Variants in STK32C observed in about 807,000 individuals in gnomAD.
The protein encoded by STK32C is serine/threonine-protein kinase 32C.
Under a neutral mutation model 56.5 loss-of-function variants are expected in STK32C, and 31 were observed. The ratio of observed to expected loss-of-function variants is 0.55; its 90% CI spans 0.41 to 0.74. The LOEUF is 0.74. Among genes scored for constraint, STK32C ranks in the 30% least tolerant of loss-of-function variants. The pLI, the probability that STK32C is intolerant of heterozygous loss-of-function variation, is 0.00. For synonymous variants in STK32C, 309 were observed against 289.4 expected, an observed-to-expected ratio of 1.07 and a Z score of -0.69; for missense variants, 544 against 676.9, an observed-to-expected ratio of 0.80 and a Z score of 2.18.
intron 2 of STK32C, among the ~76,000 whole-genome samples, chr10:132,244,531 G>C (rs2063617694): frequency 6.6e-6 from 1 of 152,196 alleles, no homozygotes; most frequent in South Asian, 2.1e-4. Context: ...GCACCCGCCA[G>C]CCTCGCTCCC....
intron 1 of STK32C, among the ~76,000 whole-genome samples, chr10:132,271,363 A>T (rs2064815731): frequency 6.6e-6 from 1 of 152,222 alleles, no homozygotes; most frequent in Non-Finnish European, 1.5e-5. Flanking sequence ...AGACCCAGGC[A>T]GAGAGCTGCA....
At chr10:132,329,759 T>C (rs2138505754) in intron 1 of STK32C, among the ~76,000 whole-genome samples, 1 of 152,194 alleles carries the variant, frequency 6.6e-6, no homozygotes, top group Non-Finnish European at 1.5e-5. Context: ...GGTGCAGAGG[T>C]GCCACGGGAG....
rs1491278712 is a variant in STK32C at position 132,230,678 on chromosome 10, G to GT, written c.319-2551_319-2550insA. The stretch of plus-strand genomic sequence containing the variant: ...GCTCTTGCTGCTGGGGGGGAAGCTG[G>GT]CGGGGGGGGGGGGGCTGCAGAGCCC... On this transcript the variant is annotated intron_variant, in intron 2 of 11. Transcript: ENST00000298630. 3.4e-3 allele frequency among the ~76,000 whole-genome samples: 414 copies of GT among 121,478 alleles called. 44 individuals are homozygous for GT. Among genetic ancestry groups the GT allele is most frequent in the African/African-American group, 6.2e-3 (193 of 31,324 alleles). 79.7% of individuals were successfully genotyped at this position (121,478 alleles called of 152,430 possible).
At chr10:132,261,757 T>C (rs2064314266) in intron 1 of STK32C, among the ~76,000 whole-genome samples, 1 of 151,972 alleles carries the variant, frequency 6.6e-6, no homozygotes, top group Non-Finnish European at 1.5e-5. Context: ...GGAGAGACAG[T>C]CTGTCTCAAA....
At chr10:132,253,597 G>A (rs531025273) in intron 1 of STK32C, among the ~76,000 whole-genome samples, 8 of 151,364 alleles carry the variant, frequency 5.3e-5, no homozygotes, top group Non-Finnish European at 1.2e-4. Flanking sequence ...GGGAGCCGAG[G>A]GAGCTGGAGG....
chr10:132,245,878 C>A, intron 2 of STK32C, 22 bp downstream of exon 2: 2 of 1,610,932 alleles, frequency 1.2e-6, no homozygotes, highest in Non-Finnish European at 1.7e-6. Flanking sequence ...CAGCCCAGTC[C>A]CCACCCCAGG....
At chr10:132,266,833 T>C (rs2064551165) in intron 1 of STK32C, among the ~76,000 whole-genome samples, 1 of 151,104 alleles carries the variant, frequency 6.6e-6, no homozygotes, top group Admixed American at 6.6e-5. Flanking sequence ...AAGGAGAGCA[T>C]CACACAAGCA....
chr10:132,225,134 C>T (rs1197080929), intron 7 of STK32C, 99 bp downstream of exon 7: 28 of 883,438 alleles, frequency 3.2e-5, no homozygotes, highest in South Asian at 2.7e-4. Flanking sequence ...GACATCCCTG[C>T]GCACCTGGAC....
intron 1 of STK32C, among the ~76,000 whole-genome samples, chr10:132,317,321 T>C (rs1301595858): frequency 2.0e-5 from 3 of 152,232 alleles, no homozygotes; most frequent in Non-Finnish European, 2.9e-5. Flanking sequence ...CTATGACCTC[T>C]AGTTAGGCCA....
In STK32C at chr10:132,272,661, G is replaced by A. The variant is rs1349421648; in HGVS notation, c.263-26706C>T. 4.6e-5 allele frequency among the ~76,000 whole-genome samples: 7 copies of A among 152,092 alleles called. No individual in the cohort carries two copies. In the East Asian group the frequency reaches 1.2e-3, roughly 25 times the overall value. Reference sequence around the variant, plus strand: ...CTGCTTCTGGCCACCGTCCACTCCCGCCTGGATTCCTGCAACAGCCTGGTC... The same window carrying A: ...CTGCTTCTGGCCACCGTCCACTCCCACCTGGATTCCTGCAACAGCCTGGTC... On this transcript the variant is annotated intron_variant, in intron 1 of 11. Transcript: ENST00000298630.
At chr10:132,309,458 A>G (rs909816808), upstream of STK32C, among the ~76,000 whole-genome samples, 2 of 152,210 alleles carry the variant, frequency 1.3e-5, no homozygotes, top group African/African-American at 4.8e-5. Flanking sequence ...TTTTTATGGC[A>G]GCATAACCTA....
chr10:132,247,557 T>A (rs1167000921), intron 1 of STK32C, among the ~76,000 whole-genome samples: 1 of 151,900 alleles, frequency 6.6e-6, no homozygotes, highest in East Asian at 1.9e-4. Context: ...CCAGGACAAG[T>A]AGGCATCAGC....
intron 1 of STK32C, among the ~76,000 whole-genome samples, chr10:132,306,656 C>G (rs2066074616): frequency 6.6e-6 from 1 of 152,236 alleles, no homozygotes; most frequent in African/African-American, 2.4e-5. Flanking sequence ...ATCCATCATA[C>G]CTCTGCACGC....
At chr10:132,228,266 T>TG (rs2062968404) in intron 2 of STK32C, 138 bp from the exon 3 acceptor site, 1 of 1,047,076 alleles carries the variant, frequency 9.6e-7, no homozygotes. Context: ...GCAGCCCCTC[T>TG]GCCTCCTAGA....
intron 2 of STK32C, among the ~76,000 whole-genome samples, chr10:132,230,264 A>AGCCCCTGGCT (rs1325610129): frequency 6.6e-6 from 1 of 152,256 alleles, no homozygotes; most frequent in East Asian, 1.9e-4. Flanking sequence ...AAGCTGCAGC[A>AGCCCCTGGCT]GCCCCTGGCT....
chr10:132,249,417 T>C (rs899484602), intron 1 of STK32C, among the ~76,000 whole-genome samples: 2 of 152,140 alleles, frequency 1.3e-5, no homozygotes, highest in African/African-American at 4.8e-5. Flanking sequence ...GCAGGAATCC[T>C]GGATGTGGCT....
chr10:132,270,868 G>A (rs1305543725), intron 1 of STK32C, among the ~76,000 whole-genome samples: 1 of 152,078 alleles, frequency 6.6e-6, no homozygotes, highest in Non-Finnish European at 1.5e-5. Flanking sequence ...CACCTGGTGA[G>A]GACCCACCTG....
intron 1 of STK32C, among the ~76,000 whole-genome samples, chr10:132,250,710 CAG>C (rs1019437873): frequency 1.3e-5 from 2 of 152,248 alleles, no homozygotes; most frequent in Non-Finnish European, 2.9e-5. Context: ...CAGGTCATTG[CAG>C]AGAGGAGACC....
intron 1 of STK32C, among the ~76,000 whole-genome samples, chr10:132,297,275 T>C (rs1590431595): frequency 6.6e-6 from 1 of 152,308 alleles, no homozygotes; most frequent in East Asian, 1.9e-4. Context: ...CCCCAGCGTG[T>C]CCAGGGCAGC....
Sources: gnomAD v4.1 joint callset for allele counts (sites outside exome capture counted in the v4.1 genomes callset) on GRCh38, gnomAD v4.1.1 for gene constraint, MANE v1.5 for transcripts, NCBI Gene and HGNC (gene_info 2026-07-23, HGNC 2026-07-21) for gene names.